GABRB2: variants seen among roughly 807,000 people sequenced by gnomAD.
GABRB2 encodes gamma-aminobutyric acid receptor subunit beta-2.
A neutral mutation model predicts 54.7 loss-of-function variants in GABRB2; 16 were observed. The ratio of observed to expected loss-of-function variants is 0.29; its 90% confidence interval spans 0.20 to 0.44. The LOEUF is 0.44. Among genes scored for constraint, GABRB2 ranks in the 20% least tolerant of loss-of-function variants. GABRB2 has a pLI of 1.00. For missense variants in GABRB2, 355 were observed against 644.0 expected, an observed-to-expected ratio of 0.55 and a Z score of 4.86; for synonymous variants, 244 against 233.8, an observed-to-expected ratio of 1.04 and a Z score of -0.40.
At chr5:161,317,825 C>T (rs1009903895) in intron 9 of GABRB2, among the ~76,000 whole-genome samples, 4 of 151,862 alleles carry the variant, frequency 2.6e-5, no homozygotes, top group African/African-American at 9.7e-5. Context: ...ATAGGCAATT[C>T]ACAGGGAAGC....
chr5:161,326,250 C>T (rs1758357702), intron 9 of GABRB2, 118 bp downstream of exon 9: 1 of 1,393,086 alleles, frequency 7.2e-7, no homozygotes, highest in South Asian at 1.5e-5. Context: ...CCCCAAGACT[C>T]TGTGGATACA....
At chr5:161,426,303 G>T (rs1351579052) in intron 4 of GABRB2, among the ~76,000 whole-genome samples, 1 of 152,088 alleles carries the variant, frequency 6.6e-6, no homozygotes, top group Non-Finnish European at 1.5e-5. Context: ...AAAGCAATAA[G>T]TATAATTTTC....
chr5:161,432,174 A>G (rs947165135), intron 4 of GABRB2, among the ~76,000 whole-genome samples: 1 of 152,160 alleles, frequency 6.6e-6, no homozygotes, highest in Non-Finnish European at 1.5e-5. Flanking sequence ...ATCACACCAG[A>G]TTCTCCTTAC....
chr5:161,484,076 A>C (rs1037412511), intron 3 of GABRB2, among the ~76,000 whole-genome samples: 1 of 151,946 alleles, frequency 6.6e-6, no homozygotes, highest in African/African-American at 2.4e-5. Context: ...ATGAAAAAAA[A>C]AGCAGAGCTT....
chr5:161,415,909 G>A (rs192183390), intron 4 of GABRB2, among the ~76,000 whole-genome samples: 13 of 124,046 alleles, frequency 1.0e-4, no homozygotes, highest in Admixed American at 7.4e-4. Flanking sequence ...CACCGCACCC[G>A]GCCCCAAGTT....
intron 3 of GABRB2, among the ~76,000 whole-genome samples, chr5:161,542,289 C>T (rs1760844864): frequency 6.6e-6 from 1 of 152,046 alleles, no homozygotes; most frequent in Admixed American, 6.5e-5. Flanking sequence ...ACAAAGTGAA[C>T]ACATGCTACT....
At chr5:161,422,956 A>T (rs569213627) in intron 4 of GABRB2, among the ~76,000 whole-genome samples, 1 of 152,322 alleles carries the variant, frequency 6.6e-6, no homozygotes, top group South Asian at 2.1e-4. Flanking sequence ...AATTCCATCC[A>T]TAAGATCTCT....
intron 5 of GABRB2, among the ~76,000 whole-genome samples, chr5:161,372,173 T>A (rs1173498511): frequency 6.6e-6 from 1 of 152,216 alleles, no homozygotes; most frequent in African/African-American, 2.4e-5. Flanking sequence ...TTTTATTTTT[T>A]AAAAAATTAC....
At chr5:161,539,779 C>T (rs975801672) in intron 3 of GABRB2, among the ~76,000 whole-genome samples, 1 of 152,078 alleles carries the variant, frequency 6.6e-6, no homozygotes, top group African/African-American at 2.4e-5. Context: ...CCCAATAAAG[C>T]GAGTCTCACA....
At chr5:161,358,683 G>T (rs1003543517) in intron 5 of GABRB2, among the ~76,000 whole-genome samples, 2 of 152,224 alleles carry the variant, frequency 1.3e-5, no homozygotes, top group Non-Finnish European at 2.9e-5. Flanking sequence ...GTGGGTAGAG[G>T]TAGTGGTGGG....
At chr5:161,433,274 G>A (rs761248564) in intron 4 of GABRB2, among the ~76,000 whole-genome samples, 39 of 152,006 alleles carry the variant, frequency 2.6e-4, no homozygotes, top group Non-Finnish European at 4.0e-4. Flanking sequence ...GTAATTCTTT[G>A]GCAGTAGTTT....
intron 4 of GABRB2, among the ~76,000 whole-genome samples, chr5:161,426,938 T>C (rs998139886): frequency 1.3e-5 from 2 of 152,120 alleles, no homozygotes; most frequent in East Asian, 3.9e-4. Flanking sequence ...TCATACAAGC[T>C]GGAAGATGGG....
chr5:161,438,400 A>G (rs962169411), intron 4 of GABRB2, among the ~76,000 whole-genome samples: 21 of 152,178 alleles, frequency 1.4e-4, no homozygotes, highest in Non-Finnish European at 1.0e-4. Flanking sequence ...CATTTCAAAC[A>G]TCTGGAAAGC....
intron 3 of GABRB2, among the ~76,000 whole-genome samples, chr5:161,470,147 T>A (rs899916969): frequency 1.3e-5 from 2 of 151,748 alleles, no homozygotes; most frequent in African/African-American, 4.8e-5. Context: ...CAAACTTCCA[T>A]GAGGATCCTT....
intron 4 of GABRB2, among the ~76,000 whole-genome samples, chr5:161,415,741 T>C (rs1301898887): frequency 1.3e-5 from 2 of 152,016 alleles, no homozygotes; most frequent in Non-Finnish European, 2.9e-5. Context: ...GCCTCCCTAG[T>C]AGCTGGGATT....
chr5:161,472,867 A>G (rs1456233188), intron 3 of GABRB2, among the ~76,000 whole-genome samples: 1 of 151,954 alleles, frequency 6.6e-6, no homozygotes, highest in Non-Finnish European at 1.5e-5. Context: ...ATTACTTAAC[A>G]CTTGGGTTGA....
chr5:161,315,013 T>A (rs1210854637), intron 9 of GABRB2, among the ~76,000 whole-genome samples: 1 of 152,174 alleles, frequency 6.6e-6, no homozygotes, highest in East Asian at 1.9e-4. Context: ...GAGGTGGATT[T>A]GGCTTCTGGT....
intron 9 of GABRB2, among the ~76,000 whole-genome samples, chr5:161,319,139 T>TAAA (rs751223327): frequency 0.017 from 2,450 of 148,456 alleles, 27 homozygotes; most frequent in Middle Eastern, 0.077. Flanking sequence ...TTTTTTTTTT[T>TAAA]AAATAAACAA....
At chr5:161,391,126 A>G (rs1755808925) in intron 5 of GABRB2, among the ~76,000 whole-genome samples, 1 of 152,148 alleles carries the variant, frequency 6.6e-6, no homozygotes, top group Non-Finnish European at 1.5e-5. Flanking sequence ...ATATTTTTAA[A>G]CCTCCATATG....
Sources: allele counts gnomAD v4.1 joint callset (sites outside exome capture counted in the v4.1 genomes callset), GRCh38; gene constraint gnomAD v4.1.1; transcripts MANE v1.5; gene names NCBI Gene and HGNC (gene_info 2026-07-23, HGNC 2026-07-21).